TLE4: variants seen among roughly 807,000 people sequenced by gnomAD.
TLE4 encodes the protein TLE family member 4, transcriptional corepressor.
A neutral mutation model predicts 92.8 loss-of-function variants in TLE4; 8 were observed. That is an observed-to-expected ratio of 0.09 (90% CI 0.05 to 0.16). The LOEUF is 0.16. Among genes scored for constraint, TLE4 ranks in the 10% least tolerant of loss-of-function variants. TLE4 has a pLI of 1.00. For missense variants in TLE4, 675 were observed against 997.6 expected, an observed-to-expected ratio of 0.68 and a Z score of 4.36; for synonymous variants, 371 against 374.1, an observed-to-expected ratio of 0.99 and a Z score of 0.10.
intron 4 of TLE4, among the ~76,000 whole-genome samples, chr9:79,591,950 C>T (rs1388349750): frequency 6.6e-6 from 1 of 152,164 alleles, no homozygotes; most frequent in Non-Finnish European, 1.5e-5. Context: ...ACTTTCATCT[C>T]TCCTGCCAAA....
At chr9:79,686,761 C>A (rs992648481) in intron 8 of TLE4, among the ~76,000 whole-genome samples, 3 of 152,150 alleles carry the variant, frequency 2.0e-5, no homozygotes, top group South Asian at 2.1e-4. Flanking sequence ...ACTCCAGAAC[C>A]GCAAGAAATA....
chr9:79,605,434 G>T (rs550549007), intron 4 of TLE4, among the ~76,000 whole-genome samples: 2 of 152,004 alleles, frequency 1.3e-5, no homozygotes, highest in African/African-American at 2.4e-5. Context: ...TATCTCTCTC[G>T]ATCACTGTTA....
intron 4 of TLE4, among the ~76,000 whole-genome samples, chr9:79,593,209 A>G (rs2043120615): frequency 6.6e-6 from 1 of 152,240 alleles, no homozygotes; most frequent in Admixed American, 6.5e-5. Flanking sequence ...CATTCCAAAA[A>G]AAAACGAAAA....
In TLE4 at chr9:79,725,215, C is replaced by A; in HGVS notation, c.*71C>A. 1.8e-6 allele frequency: 2 copies of A among 1,085,042 alleles called. No homozygotes were observed. Among genetic ancestry groups the A allele is most frequent in the Non-Finnish European group, 2.8e-6 (2 of 717,382 alleles). 67.2% of individuals were successfully genotyped at this position (1,085,042 alleles called of 1,614,324 possible). On this transcript the variant is annotated 3_prime_UTR_variant, in exon 20 of 20. Transcript: ENST00000376552. Reference sequence around the variant, plus strand: ...TGCTCTGTCATCCTTTTTGTTCACCCCCATCCCCGCATCTAAAACCAAGGA... The same window carrying A: ...TGCTCTGTCATCCTTTTTGTTCACCACCATCCCCGCATCTAAAACCAAGGA...
At chr9:79,653,064 A>G (rs987793393) in intron 7 of TLE4, 9 of 481,610 alleles carry the variant, frequency 1.9e-5, no homozygotes, top group Non-Finnish European at 2.8e-5. Flanking sequence ...CCCCAGGTCT[A>G]AATCAGTAAT....
rs1281390827 is a variant in TLE4, at chr9:79,725,429, A to G, written c.*285A>G. ...TAATTATGTATTATATCTGTAATATATTTATTTTGTTTAAAGAAGGCTTTC... is the reference window on the plus strand; with the variant it reads ...TAATTATGTATTATATCTGTAATATGTTTATTTTGTTTAAAGAAGGCTTTC... On this transcript the variant is annotated 3_prime_UTR_variant, in exon 20 of 20. Transcript: ENST00000376552. 1 of 195,616 alleles carries G rather than the reference A, an allele frequency of 5.1e-6. No individual in the cohort carries two copies. The highest frequency in any genetic ancestry group is 2.4e-5 in the African/African-American group (1 of 42,382). 12.1% of individuals were successfully genotyped at this position (195,616 alleles called of 1,614,324 possible). A position where few individuals can be genotyped will look rare whatever the true frequency, so the allele number is the denominator to read the frequency against.
chr9:79,671,364 A>G (rs1364704004), intron 8 of TLE4: 11 of 429,728 alleles, frequency 2.6e-5, no homozygotes, highest in South Asian at 9.5e-5. Flanking sequence ...AACTACCCTG[A>G]CGAGCTCAAC....
chr9:79,599,703 G>A (rs1293099594), intron 4 of TLE4, among the ~76,000 whole-genome samples: 2 of 152,210 alleles, frequency 1.3e-5, no homozygotes, highest in Non-Finnish European at 2.9e-5. Context: ...CGTCTGATAA[G>A]AGACACTTTT....
rs1372437698 is a variant in TLE4 at position 79,704,837 on chromosome 9, T to C, written c.664T>C (p.Ser222Pro). Residue 222 changes from serine (S) to proline (P), a missense_variant, in exon 9 of 20, where the codon TCC (serine) becomes CCC (proline). By Grantham distance (74) the Ser-to-Pro change is moderately conservative. Coordinates refer to ENST00000376552, the MANE Select transcript of TLE4 (RefSeq NM_007005.6). Reference sequence around the variant, plus strand: ...CCGAGGTGCTGAGAAGCACAGAAACTCCGCAGACTACTCCTCAGAGAGCAA... The same window carrying C: ...CCGAGGTGCTGAGAAGCACAGAAACCCCGCAGACTACTCCTCAGAGAGCAA... ...SFRGAEKHRN[S>P]ADYSSESKKQ... 1.2e-6 allele frequency: 2 copies of C among 1,614,098 alleles called. No homozygotes were observed. The highest frequency in any genetic ancestry group is 1.7e-6 in the Non-Finnish European group (2 of 1,180,004).
chr9:79,649,495 T>G (rs1286559891), intron 6 of TLE4: 1 of 180,014 alleles, frequency 5.6e-6, no homozygotes, highest in Non-Finnish European at 1.2e-5. Context: ...GCAGTTCATC[T>G]TAAACAAAAT....
intron 6 of TLE4, among the ~76,000 whole-genome samples, chr9:79,631,663 T>TGTGTGTGTGTGTGTGTGTGTGTG (rs1312981283): frequency 6.7e-6 from 1 of 148,664 alleles, no homozygotes; most frequent in African/African-American, 2.5e-5. Flanking sequence ...TGTGTGTGTG[T>TGTGTGTGTGTGTGTGTGTGTGTG]TTTCTACATT....
At position 79,720,100 on chromosome 9, in the gene TLE4, A is replaced by G. The variant is rs766076384; in HGVS notation, c.1645A>G (p.Ile549Val). 4.3e-6 allele frequency: 7 copies of G among 1,613,988 alleles called. No homozygotes were observed. The East Asian group carries it at 1.1e-4, about 26-fold the overall frequency. ...ATTGCTCCCTGATGGTCGCACCCTA[A>G]TTGTTGGAGGGGAAGCCAGTACTTT... ...CRLLPDGRTL[I>V]VGGEASTLSI... is the part of the protein sequence containing the mutation. The change falls in exon 16 of 20, where the codon ATT becomes GTT. Residue 549 changes from isoleucine to valine, a missense_variant. Coordinates refer to ENST00000376552, the MANE Select transcript of TLE4 (RefSeq NM_007005.6).
intron 18 of TLE4, 107 bp downstream of exon 18, chr9:79,722,708 T>C: frequency 7.3e-7 from 1 of 1,363,506 alleles, no homozygotes; most frequent in Non-Finnish European, 1.0e-6. Context: ...CATGCCCCTC[T>C]TCAGAATTCT....
chr9:79,720,012 A>T (rs369696010), intron 15 of TLE4, 34 bp from the exon 16 acceptor site: 1 of 1,575,372 alleles, frequency 6.3e-7, no homozygotes, highest in South Asian at 1.1e-5. Flanking sequence ...TCCTTTCCTC[A>T]TGAGTAATCT....
intron 7 of TLE4, among the ~76,000 whole-genome samples, chr9:79,653,468 A>C (rs1311368151): frequency 6.6e-6 from 1 of 152,202 alleles, no homozygotes; most frequent in Non-Finnish European, 1.5e-5. Flanking sequence ...ATGGTGCAGA[A>C]ACATTTTGAT....
chr9:79,583,995 A>T (rs1214716694), intron 4 of TLE4, among the ~76,000 whole-genome samples: 1 of 152,194 alleles, frequency 6.6e-6, no homozygotes. Flanking sequence ...AGGGCTTAAG[A>T]GACTAGCCCA....
chr9:79,622,802 C>A (rs1030584569), intron 5 of TLE4, among the ~76,000 whole-genome samples: 4 of 152,156 alleles, frequency 2.6e-5, no homozygotes, highest in African/African-American at 7.2e-5. Context: ...AGTGCGCTGG[C>A]CATTTCCTCC....
intron 4 of TLE4, among the ~76,000 whole-genome samples, chr9:79,584,907 A>T (rs540490036): frequency 1.1e-4 from 17 of 152,262 alleles, no homozygotes; most frequent in Admixed American, 9.2e-4. Flanking sequence ...TTCCAAACAG[A>T]ATTTAAAATT....
At chr9:79,651,613 G>A (rs1399293744) in intron 6 of TLE4, among the ~76,000 whole-genome samples, 5 of 152,190 alleles carry the variant, frequency 3.3e-5, no homozygotes, top group East Asian at 3.8e-4. Flanking sequence ...ATCACTAAAC[G>A]TGCACAGAGT....
Sources: allele counts gnomAD v4.1 joint callset (sites outside exome capture counted in the v4.1 genomes callset), GRCh38; gene constraint gnomAD v4.1.1; transcripts MANE v1.5; gene names NCBI Gene and HGNC (gene_info 2026-07-23, HGNC 2026-07-21).